The following ZFPM2 variants were observed in gnomAD, a reference collection of about 807,000 sequenced individuals.
ZFPM2 encodes zinc finger protein ZFPM2.
ZFPM2 carries 20 observed loss-of-function variants against 98.6 expected under a neutral mutation model. The ratio of observed to expected loss-of-function variants is 0.20; its 90% CI spans 0.14 to 0.29. ZFPM2 has a LOEUF of 0.29. Ranked by LOEUF, ZFPM2 falls within the 10% of genes least tolerant of loss-of-function variation. ZFPM2 has a pLI of 1.00. For synonymous variants in ZFPM2, 518 were observed against 502.7 expected (o/e 1.03, Z -0.41); for missense variants, 1,310 against 1,388.6 (o/e 0.94, Z 0.90).
At chr8:105,510,487 A>T (rs1359212398) in intron 3 of ZFPM2, among the ~76,000 whole-genome samples, 3 of 151,622 alleles carry the variant, frequency 2.0e-5, no homozygotes, top group Admixed American at 2.0e-4. Flanking sequence ...TAATGAAATG[A>T]TAGCAAACAC....
intron 4 of ZFPM2, among the ~76,000 whole-genome samples, chr8:105,621,053 C>A (rs1323607544): frequency 1.3e-5 from 2 of 152,100 alleles, no homozygotes; most frequent in Non-Finnish European, 2.9e-5. Context: ...TAGTTTTCTT[C>A]CAATTCTGTG....
chr8:105,800,138 A>G (rs114264864), intron 7 of ZFPM2, among the ~76,000 whole-genome samples: 1,987 of 152,270 alleles, frequency 0.013, 13 homozygotes, highest in Admixed American at 0.022. Flanking sequence ...GGAGAAAAAG[A>G]GACAAGGATA....
chr8:105,453,193 T>C (rs1000440427), intron 3 of ZFPM2, among the ~76,000 whole-genome samples: 2 of 152,192 alleles, frequency 1.3e-5, no homozygotes, highest in Non-Finnish European at 2.9e-5. Context: ...ATTAACTATA[T>C]GCAACACTCA....
At chr8:105,746,297 G>T (rs1812343034) in intron 5 of ZFPM2, among the ~76,000 whole-genome samples, 1 of 151,910 alleles carries the variant, frequency 6.6e-6, no homozygotes, top group Admixed American at 6.6e-5. Flanking sequence ...ACAACACTGA[G>T]TCATGGTAGA....
intron 3 of ZFPM2, among the ~76,000 whole-genome samples, chr8:105,448,456 G>A (rs924498712): frequency 1.3e-5 from 2 of 151,702 alleles, no homozygotes; most frequent in Non-Finnish European, 2.9e-5. Flanking sequence ...TGCATTTATT[G>A]TAATAATTGT....
chr8:105,381,411 A>T (rs557827858), intron 1 of ZFPM2, among the ~76,000 whole-genome samples: 22 of 152,218 alleles, frequency 1.4e-4, no homozygotes, highest in Admixed American at 1.2e-3. Flanking sequence ...AATTTTTAAG[A>T]TACCCAATCA....
chr8:105,686,804 T>C (rs1810747556), intron 5 of ZFPM2, among the ~76,000 whole-genome samples: 2 of 152,202 alleles, frequency 1.3e-5, no homozygotes, highest in African/African-American at 4.8e-5. Flanking sequence ...AAAGTGTTTC[T>C]ACAGAAAATT....
chr8:105,653,143 T>C (rs1468261077), intron 5 of ZFPM2, among the ~76,000 whole-genome samples: 1 of 152,130 alleles, frequency 6.6e-6, no homozygotes, highest in Non-Finnish European at 1.5e-5. Flanking sequence ...AAGTAGAAAA[T>C]GTAGTTTAAG....
chr8:105,588,307 C>T (rs1273888218), intron 4 of ZFPM2, among the ~76,000 whole-genome samples: 1 of 151,796 alleles, frequency 6.6e-6, no homozygotes, highest in Non-Finnish European at 1.5e-5. Flanking sequence ...CAATTACCCC[C>T]AAAATACTCA....
At chr8:105,505,072 T>C (rs1005430572) in intron 3 of ZFPM2, among the ~76,000 whole-genome samples, 3 of 152,162 alleles carry the variant, frequency 2.0e-5, no homozygotes, top group African/African-American at 7.2e-5. Flanking sequence ...GAAAATTACA[T>C]GGGTTTGGAA....
intron 5 of ZFPM2, among the ~76,000 whole-genome samples, chr8:105,730,728 C>A (rs1450070487): frequency 6.6e-6 from 1 of 150,996 alleles, no homozygotes; most frequent in Non-Finnish European, 1.5e-5. Flanking sequence ...GAAGAAAACA[C>A]CTCGTTCTGT....
intron 4 of ZFPM2, among the ~76,000 whole-genome samples, chr8:105,587,078 C>T (rs1272790381): frequency 6.6e-6 from 1 of 151,100 alleles, no homozygotes; most frequent in Non-Finnish European, 1.5e-5. Flanking sequence ...AGATCGAGAC[C>T]ATCCTGGCTA....
In ZFPM2 at chr8:105,486,742, G is replaced by C. The variant is rs185204775; in HGVS notation, c.301+42361G>C. ...GATAAAGACAAAGCTCAAAGAGATTGATGTGTATAAGATCTGAGTTTATTT... is the reference window on the plus strand; with the variant it reads ...GATAAAGACAAAGCTCAAAGAGATTCATGTGTATAAGATCTGAGTTTATTT... On this transcript the variant is annotated intron_variant, in intron 3 of 7. Coordinates refer to ENST00000407775, the MANE Select transcript of ZFPM2 (RefSeq NM_012082.4). Among the ~76,000 whole-genome samples the C allele has an allele frequency of 1.7e-3, 252 of 152,280 alleles. 1 individual carries two copies. Among genetic ancestry groups the C allele is most frequent in the Non-Finnish European group, 2.8e-3 (189 of 68,018 alleles).
intron 4 of ZFPM2, among the ~76,000 whole-genome samples, chr8:105,626,871 G>A (rs1272634942): frequency 6.6e-6 from 1 of 152,050 alleles, no homozygotes; most frequent in African/African-American, 2.4e-5. Flanking sequence ...TTCTCTAATG[G>A]TATTTTTGTT....
intron 5 of ZFPM2, among the ~76,000 whole-genome samples, chr8:105,658,526 C>T (rs1211235213): frequency 2.4e-5 from 1 of 42,510 alleles, no homozygotes; most frequent in Non-Finnish European, 4.3e-5. Flanking sequence ...GGGGCGGAGC[C>T]TGCAGTGAGC....
At chr8:105,345,425 C>CTTTTTTTTTTTTTTTTTTTTTTTTTT (rs10560485) in intron 1 of ZFPM2, among the ~76,000 whole-genome samples, 2 of 98,360 alleles carry the variant, frequency 2.0e-5, no homozygotes, top group Non-Finnish European at 3.9e-5. Flanking sequence ...TCGTGATGTT[C>CTTTTTTTTTTTTTTTTTTTTTTTTTT]TTTTTTTTTT....
intron 5 of ZFPM2, among the ~76,000 whole-genome samples, chr8:105,686,084 T>C (rs187580091): frequency 9.9e-4 from 150 of 152,224 alleles, no homozygotes; most frequent in Non-Finnish European, 3.7e-4. Context: ...CCTTAAACTT[T>C]ATTGAATTTC....
chr8:105,380,159 A>G (rs887448180), intron 1 of ZFPM2, among the ~76,000 whole-genome samples: 6 of 152,196 alleles, frequency 3.9e-5, no homozygotes, highest in Admixed American at 3.9e-4. Flanking sequence ...TCGAAAGTCA[A>G]TAGTTATTTG....
chr8:105,728,657 A>G (rs1226826337), intron 5 of ZFPM2, among the ~76,000 whole-genome samples: 1 of 151,782 alleles, frequency 6.6e-6, no homozygotes, highest in Non-Finnish European at 1.5e-5. Flanking sequence ...TCCAATCTAC[A>G]TCATTAAATC....
Sources: allele counts gnomAD v4.1 joint callset (sites outside exome capture counted in the v4.1 genomes callset), GRCh38; gene constraint gnomAD v4.1.1; transcripts MANE v1.5; gene names NCBI Gene and HGNC (gene_info 2026-07-23, HGNC 2026-07-21).